The following RABL6 variants were observed in gnomAD, a reference collection of about 807,000 sequenced individuals.
RABL6 encodes RAB, member RAS oncogene family like 6.
A neutral mutation model predicts 72.9 loss-of-function variants in RABL6; 28 were observed. The observed-to-expected ratio is 0.38, with a 90% CI of 0.28 to 0.53. The LOEUF (loss-of-function observed/expected upper bound fraction) is 0.53. Among genes scored for constraint, RABL6 ranks in the 20% least tolerant of loss-of-function variants. The probability of loss-of-function intolerance (pLI) is 0.80; values close to 1 mark genes in which losing one functional copy is unlikely to be tolerated. For synonymous variants in RABL6, 477 were observed against 421.2 expected (o/e 1.13, Z -1.62); for missense variants, 1,029 against 1,008.4 (o/e 1.02, Z -0.28).
At chr9:136,821,824 G>A (rs1043084247) in intron 1 of RABL6, 2 of 1,190,492 alleles carry the variant, frequency 1.7e-6, no homozygotes, top group Non-Finnish European at 2.1e-6. Context: ...CGAGGGCCCA[G>A]CCTTCCGCGG....
chr9:136,833,821 T>G lies in RABL6; in HGVS notation c.705+1451T>G, dbSNP rs1588368849. The G allele has an allele frequency of 2.6e-6, 4 of 1,550,322 alleles. No individual in the cohort carries two copies. The African/African-American group carries it at 5.5e-5, about 21-fold the overall frequency. ...GGGACTGCTGCTGGGGACGTTTGGGTTGGAAGGAAGGCGGCAGTCAGACTT... is the reference window on the plus strand; with the variant it reads ...GGGACTGCTGCTGGGGACGTTTGGGGTGGAAGGAAGGCGGCAGTCAGACTT... On this transcript the variant is annotated intron_variant, in intron 7 of 14. Coordinates refer to ENST00000311502, the MANE Select transcript of RABL6 (RefSeq NM_024718.5).
intron 10 of RABL6, 105 bp from the exon 11 acceptor site, chr9:136,838,804 C>T (rs1024279868): frequency 5.3e-5 from 56 of 1,064,814 alleles, no homozygotes; most frequent in Middle Eastern, 6.3e-4. Flanking sequence ...GGTGGCCCCA[C>T]GGCCAGGGTG....
At chr9:136,827,089 G>A (rs1848376286) in intron 3 of RABL6, 1 of 152,254 alleles carries the variant, frequency 6.6e-6, no homozygotes. Flanking sequence ...GGGGTTACAT[G>A]TGTACCCTTG....
chr9:136,835,702 G>A, intron 7 of RABL6, 40 bp from the exon 8 acceptor site: 1 of 1,518,736 alleles, frequency 6.6e-7, no homozygotes, highest in Middle Eastern at 2.3e-4. Flanking sequence ...CTCGCAGCAG[G>A]AAGGAGCCCT....
chr9:136,821,507 C>T, intron 1 of RABL6: 4 of 985,392 alleles, frequency 4.1e-6, no homozygotes, highest in Non-Finnish European at 4.8e-6. Flanking sequence ...CCCAGCGAGG[C>T]TATGCGTGCG....
At chr9:136,824,109 G>A (rs1482422901) in intron 2 of RABL6, among the ~76,000 whole-genome samples, 1 of 152,104 alleles carries the variant, frequency 6.6e-6, no homozygotes, top group Non-Finnish European at 1.5e-5. Flanking sequence ...TCAGTGAGGT[G>A]GGCTTGATGG....
chr9:136,838,154 C>T, intron 10 of RABL6, 139 bp downstream of exon 10: 7 of 1,136,204 alleles, frequency 6.2e-6, no homozygotes, highest in Non-Finnish European at 8.7e-6. Context: ...CAGAGCAGCT[C>T]TGTGGCTGGA....
intron 8 of RABL6, 113 bp downstream of exon 8, chr9:136,835,958 G>A: frequency 9.4e-7 from 1 of 1,066,154 alleles, no homozygotes; most frequent in South Asian, 1.5e-5. Flanking sequence ...CCTGTTTGGG[G>A]TAAATTAGTC....
rs1344237366 is a variant in RABL6 at position 136,840,545 on chromosome 9, CTG to C, written c.*24_*25del. 52 of 1,545,440 alleles carry C rather than the reference CTG, an allele frequency of 3.4e-5. No homozygotes were observed. The highest frequency in any genetic ancestry group is 4.5e-5 in the Non-Finnish European group (51 of 1,145,682). ...TAGGCCGGCGTGGGCAGTGGCCGCCCTGGGGCGGGGGGCGTGCCTGTCACTGC... is the reference window on the plus strand; with the variant it reads ...TAGGCCGGCGTGGGCAGTGGCCGCCCGGGCGGGGGGCGTGCCTGTCACTGC... On this transcript the variant is annotated 3_prime_UTR_variant, in exon 15 of 15. Transcript: ENST00000311502.
intron 3 of RABL6, chr9:136,828,197 G>T: frequency 5.7e-6 from 2 of 348,222 alleles, no homozygotes; most frequent in South Asian, 8.4e-5. Flanking sequence ...AAACCCTCCT[G>T]GTGTAGGGCT....
At position 136,837,090 on chromosome 9, in the gene RABL6, C is replaced by T. The variant is rs546402988; in HGVS notation, c.810-256C>T. On this transcript the variant is annotated intron_variant, in intron 8 of 14. Transcript: ENST00000311502. ...CGGGGTTTCACTGCGTTAGCCAGGA[C>T]GGTCTCCACCTCCTGACCTCGTGAT... 2.0e-4 allele frequency: 125 copies of T among 623,664 alleles called. No individual in the cohort carries two copies. The East Asian group carries it at 3.2e-3, about 16-fold the overall frequency. 38.6% of individuals were successfully genotyped at this position (623,664 alleles called of 1,614,324 possible).
chr9:136,840,555 G>A lies in RABL6; in HGVS notation c.*33G>A, dbSNP rs1564375075. The A allele has an allele frequency of 1.3e-6, 2 of 1,547,106 alleles. No homozygotes were observed. The highest frequency in any genetic ancestry group is 1.7e-6 in the Non-Finnish European group (2 of 1,146,274). ...TGGGCAGTGGCCGCCCTGGGGCGGGGGGCGTGCCTGTCACTGCCTGGGGAG... is the reference window on the plus strand; with the variant it reads ...TGGGCAGTGGCCGCCCTGGGGCGGGAGGCGTGCCTGTCACTGCCTGGGGAG... On this transcript the variant is annotated 3_prime_UTR_variant, in exon 15 of 15. Transcript: ENST00000311502.
At chr9:136,833,764 G>T in intron 7 of RABL6, 1 of 1,550,530 alleles carries the variant, frequency 6.4e-7, no homozygotes. Flanking sequence ...CTGTCGTCCT[G>T]GTGTCAGAAG....
chr9:136,840,852 A>C lies in RABL6; in HGVS notation c.*330A>C. Reference sequence around the variant, plus strand: ...GGGACCTGTGAGGGTCTGTTTACAGAGGCTGGGCAGGGGCCGCTTGGCTGT... The same window carrying C: ...GGGACCTGTGAGGGTCTGTTTACAGCGGCTGGGCAGGGGCCGCTTGGCTGT... On this transcript the variant is annotated 3_prime_UTR_variant, in exon 15 of 15. Transcript: ENST00000311502. 6.5e-7 allele frequency: 1 copy of C among 1,542,246 alleles called. No individual in the cohort carries two copies. Among genetic ancestry groups the C allele is most frequent in the East Asian group, 2.5e-5 (1 of 40,738 alleles).
intron 1 of RABL6, among the ~76,000 whole-genome samples, chr9:136,821,022 T>A (rs1331520650): frequency 6.6e-6 from 1 of 152,166 alleles, no homozygotes; most frequent in South Asian, 2.1e-4. Context: ...TGACCCCAAC[T>A]CTCCGACGTT....
chr9:136,832,277 C>T lies in RABL6; in HGVS notation c.612C>T (p.Ser204=), dbSNP rs1335746526. The change falls in exon 7 of 15, where the codon TCC becomes TCT. Residue 204 remains serine (S), a synonymous_variant. Transcript: ENST00000311502. ...FIDNLDRPPG[S]SYFRYAESSM... ...TTTCTGAAAGCAGACCTCCAGGTTC[C>T]TCCTACTTCCGCTATGCTGAGTCTT... 6.2e-7 allele frequency: 1 copy of T among 1,613,770 alleles called. No homozygotes were observed. Among genetic ancestry groups the T allele is most frequent in the South Asian group, 1.1e-5 (1 of 91,076 alleles).
At chr9:136,824,202 G>T (rs1319101022) in intron 2 of RABL6, among the ~76,000 whole-genome samples, 1 of 152,162 alleles carries the variant, frequency 6.6e-6, no homozygotes, top group African/African-American at 2.4e-5. Flanking sequence ...GGAGGTGACA[G>T]CTGTGGCGAG....
chr9:136,840,466 G>C lies in RABL6; in HGVS notation c.2134G>C (p.Gly712Arg). The C allele has an allele frequency of 1.3e-6, 2 of 1,537,030 alleles. No individual in the cohort carries two copies. The highest frequency in any genetic ancestry group is 1.8e-6 in the Non-Finnish European group (2 of 1,142,132). Residue 712 changes from glycine to arginine, a missense_variant, in exon 15 of 15, where the codon GGG (glycine) becomes CGG (arginine). By Grantham distance (125) the Gly-to-Arg change is moderately radical. Coordinates refer to ENST00000311502, the MANE Select transcript of RABL6 (RefSeq NM_024718.5). The stretch of plus-strand genomic sequence containing the variant: ...TGCCGATGAGCTGGAGGCTTTCCTG[G>C]GGGGCGGGGCCCCGGGCGGCCGCCA... ...TAADELEAFL[G>R]GGAPGGRHPG... is the part of the protein sequence containing the mutation.
Position 136,838,912 on chromosome 9 carries a change from T to C in RABL6, c.1284T>C (p.Asp428=). The C allele has an allele frequency of 1.3e-6, 2 of 1,587,258 alleles. No homozygotes were observed. The highest frequency in any genetic ancestry group is 2.3e-5 in the South Asian group (2 of 87,750). Residue 428 remains aspartate (D), a synonymous_variant, in exon 11 of 15, where the codon GAT becomes GAC. Coordinates refer to ENST00000311502, the MANE Select transcript of RABL6 (RefSeq NM_024718.5). ...CGCTTTGCCCCCTGCTTTGCAGTGA[T>C]GGGGAGGCCCTGGGCGGCAACCCGA... ...AKAAQQDSDS[D]GEALGGNPMV... is the part of the protein sequence containing the mutation.
Sources: gnomAD v4.1 joint callset for allele counts (sites outside exome capture counted in the v4.1 genomes callset) on GRCh38, gnomAD v4.1.1 for gene constraint, MANE v1.5 for transcripts, NCBI Gene and HGNC (gene_info 2026-07-23, HGNC 2026-07-21) for gene names.